PALM2AKAP2: variants seen among roughly 807,000 people sequenced by gnomAD.
PALM2AKAP2 encodes the protein PALM2-AKAP2 fusion protein.
Under a neutral mutation model 71.5 loss-of-function variants are expected in PALM2AKAP2, and 37 were observed. The ratio of observed to expected loss-of-function variants is 0.52; its 90% confidence interval spans 0.40 to 0.68. PALM2AKAP2 has a LOEUF of 0.68. Among genes scored for constraint, PALM2AKAP2 ranks in the 30% least tolerant of loss-of-function variants. PALM2AKAP2 has a pLI of 0.00. For synonymous variants in PALM2AKAP2, 468 were observed against 478.8 expected (o/e 0.98, Z 0.29); for missense variants, 1,224 against 1,191.8 (o/e 1.03, Z -0.40).
chr9:109,695,855 G>A (rs1827962042), intron 1 of PALM2AKAP2, among the ~76,000 whole-genome samples: 1 of 152,110 alleles, frequency 6.6e-6, no homozygotes, highest in Non-Finnish European at 1.5e-5. Context: ...GTAGAACAGT[G>A]GTTACCAGAG....
At chr9:110,084,218 A>G (rs763026049) in intron 1 of PALM2AKAP2, among the ~76,000 whole-genome samples, 1 of 152,226 alleles carries the variant, frequency 6.6e-6, no homozygotes, top group Admixed American at 6.5e-5. Context: ...GAAAACAGTA[A>G]GATGTTCAGG....
intron 1 of PALM2AKAP2, among the ~76,000 whole-genome samples, chr9:110,082,616 A>G (rs908017829): frequency 3.9e-5 from 6 of 152,230 alleles, no homozygotes; most frequent in African/African-American, 1.4e-4. Context: ...GATTGAACAC[A>G]GGCATCTACT....
At chr9:109,758,970 A>C (rs1829009548) in intron 1 of PALM2AKAP2, among the ~76,000 whole-genome samples, 1 of 151,892 alleles carries the variant, frequency 6.6e-6, no homozygotes, top group Admixed American at 6.6e-5. Flanking sequence ...CTTGTGTTTC[A>C]AGCTATTTGT....
In PALM2AKAP2 at chr9:110,135,164, A is replaced by AT. The variant is rs1554755279; in HGVS notation, c.157-963_157-962insT. Among the ~76,000 whole-genome samples the AT allele has an allele frequency of 3.3e-3, 169 of 51,710 alleles. 16 individuals carry two copies. The highest frequency in any genetic ancestry group is 8.8e-3 in the East Asian group (7 of 792). The allele number at this position is 51,710 out of a possible 152,430, so 33.9% of individuals were successfully genotyped here. A position where few individuals can be genotyped will look rare whatever the true frequency, so the allele number is the denominator to read the frequency against. On this transcript the variant is annotated intron_variant, in intron 1 of 3. Transcript: ENST00000374525. ...AACTCTGTCTCTACAAAAAAAAAAA[A>AT]ATATATAAATATATATATATATATA... is the stretch of plus-strand genomic sequence containing the variant.
At chr9:109,930,729 G>A (rs1183270253) in intron 5 of PALM2AKAP2, among the ~76,000 whole-genome samples, 5 of 152,292 alleles carry the variant, frequency 3.3e-5, no homozygotes, top group Non-Finnish European at 5.9e-5. Context: ...GAAGCAGTAC[G>A]AGTGGGGATG....
At chr9:109,780,582 G>C in intron 1 of PALM2AKAP2, 49 bp downstream of exon 1, 1 of 1,612,256 alleles carries the variant, frequency 6.2e-7, no homozygotes, top group Non-Finnish European at 8.5e-7. Context: ...TGGGGTGGAA[G>C]GGGGCCCCCG....
intron 1 of PALM2AKAP2, among the ~76,000 whole-genome samples, chr9:110,060,344 C>G (rs897890120): frequency 6.6e-6 from 1 of 152,050 alleles, no homozygotes; most frequent in Non-Finnish European, 1.5e-5. Flanking sequence ...CTCAAGTGAT[C>G]TGCCCACCTT....
intron 6 of PALM2AKAP2, among the ~76,000 whole-genome samples, chr9:109,973,324 C>G (rs892233659): frequency 2.0e-5 from 3 of 152,188 alleles, no homozygotes; most frequent in African/African-American, 7.2e-5. Flanking sequence ...TATGCTGTTG[C>G]AACAGGCAAC....
intron 1 of PALM2AKAP2, chr9:109,863,003 C>G: frequency 4.2e-6 from 2 of 480,744 alleles, no homozygotes; most frequent in Admixed American, 2.2e-5. Context: ...TGCTAGGGAA[C>G]CTGCTCTTTG....
intron 7 of PALM2AKAP2, among the ~76,000 whole-genome samples, chr9:110,034,421 G>T (rs1221544194): frequency 6.6e-6 from 1 of 152,084 alleles, no homozygotes; most frequent in Non-Finnish European, 1.5e-5. Flanking sequence ...GCCTCCCAAA[G>T]TTCTGGGATT....
intron 6 of PALM2AKAP2, among the ~76,000 whole-genome samples, chr9:109,939,074 T>C (rs571797663): frequency 1.3e-5 from 2 of 152,050 alleles, no homozygotes; most frequent in Non-Finnish European, 2.9e-5. Context: ...ACCTAATTTA[T>C]ATCTCCACTA....
chr9:109,939,247 T>G (rs1831303429), intron 6 of PALM2AKAP2, among the ~76,000 whole-genome samples: 1 of 152,196 alleles, frequency 6.6e-6, no homozygotes, highest in Non-Finnish European at 1.5e-5. Flanking sequence ...GTGGATATAC[T>G]TAACCTTTCC....
At chr9:110,166,759 A>G (rs906295546) in intron 3 of PALM2AKAP2, among the ~76,000 whole-genome samples, 7 of 152,094 alleles carry the variant, frequency 4.6e-5, no homozygotes, top group Non-Finnish European at 1.0e-4. Flanking sequence ...TCCTTTGACA[A>G]AGGTGCAGAG....
intron 6 of PALM2AKAP2, among the ~76,000 whole-genome samples, chr9:109,964,149 G>C (rs1037175985): frequency 1.3e-5 from 2 of 152,232 alleles, no homozygotes; most frequent in Non-Finnish European, 1.5e-5. Flanking sequence ...TATACTGTAT[G>C]TCAGCATCTA....
intron 6 of PALM2AKAP2, among the ~76,000 whole-genome samples, chr9:110,011,014 A>AATATATATATATATATAT (rs1554737804): frequency 1.4e-5 from 1 of 69,582 alleles, no homozygotes; most frequent in African/African-American, 7.8e-5. Context: ...AAAAAAAAAA[A>AATATATATATATATATAT]ATATATATAT....
intron 6 of PALM2AKAP2, among the ~76,000 whole-genome samples, chr9:109,949,689 T>C (rs1831589981): frequency 6.6e-6 from 1 of 152,186 alleles, no homozygotes; most frequent in South Asian, 2.1e-4. Context: ...CAAATAGGCC[T>C]TGGTTGGAAG....
intron 7 of PALM2AKAP2, among the ~76,000 whole-genome samples, chr9:110,033,622 A>G (rs1177844471): frequency 1.3e-5 from 2 of 152,234 alleles, no homozygotes; most frequent in African/African-American, 4.8e-5. Context: ...TCAGAATTCA[A>G]TTCCAGGTTT....
chr9:109,953,036 G>C (rs1831673193), intron 6 of PALM2AKAP2, among the ~76,000 whole-genome samples: 1 of 152,236 alleles, frequency 6.6e-6, no homozygotes, highest in Non-Finnish European at 1.5e-5. Flanking sequence ...GTGTGTTTCA[G>C]AACTAGTATA....
At chr9:110,139,577 A>G (rs1489262173) in intron 2 of PALM2AKAP2, among the ~76,000 whole-genome samples, 1 of 152,194 alleles carries the variant, frequency 6.6e-6, no homozygotes, top group Non-Finnish European at 1.5e-5. Flanking sequence ...GAGAAAATTT[A>G]AGAATCGTTA....
Sources: gnomAD v4.1 joint callset for allele counts (sites outside exome capture counted in the v4.1 genomes callset) on GRCh38, gnomAD v4.1.1 for gene constraint, MANE v1.5 for transcripts, NCBI Gene and HGNC (gene_info 2026-07-23, HGNC 2026-07-21) for gene names.